Variants in SNTG2 observed in about 807,000 individuals in gnomAD.
SNTG2 encodes the protein gamma-2-syntrophin.
Under a neutral mutation model 70.9 loss-of-function variants are expected in SNTG2, and 74 were observed. The ratio of observed to expected loss-of-function variants is 1.04; its 90% CI spans 0.86 to 1.27. The LOEUF is 1.27. Among genes scored for constraint, SNTG2 ranks in the 50% most tolerant of loss-of-function variants. The pLI is 0.00. For missense variants in SNTG2, 717 were observed against 690.7 expected (o/e 1.04, Z -0.43); for synonymous variants, 278 against 273.8 (o/e 1.02, Z -0.15).
At chr2:979,170 A>G (rs780315411) in intron 1 of SNTG2, among the ~76,000 whole-genome samples, 9 of 152,218 alleles carry the variant, frequency 5.9e-5, no homozygotes, top group Admixed American at 1.3e-4. Context: ...GACAGCTGGT[A>G]TACTGGCTTT....
chr2:977,499 C>T (rs6752460), intron 1 of SNTG2, among the ~76,000 whole-genome samples: 45,968 of 151,966 alleles, frequency 0.3, 7,343 homozygotes, highest in Middle Eastern at 0.4. Context: ...TCCCCTGACC[C>T]GCTGCCTCCA....
At chr2:1,130,916 C>T (rs1667974161) in intron 4 of SNTG2, among the ~76,000 whole-genome samples, 1 of 152,180 alleles carries the variant, frequency 6.6e-6, no homozygotes, top group Non-Finnish European at 1.5e-5. Flanking sequence ...ATCCTGCAGC[C>T]TATCATCAAT....
intron 1 of SNTG2, among the ~76,000 whole-genome samples, chr2:1,063,792 G>C (rs1004973409): frequency 1.3e-5 from 2 of 152,068 alleles, no homozygotes; most frequent in East Asian, 3.8e-4. Context: ...ATTAAATAAA[G>C]AAAAAACTTT....
At chr2:1,061,293 A>T (rs898646972) in intron 1 of SNTG2, among the ~76,000 whole-genome samples, 2 of 152,234 alleles carry the variant, frequency 1.3e-5, no homozygotes, top group Non-Finnish European at 1.5e-5. Context: ...AAACATTTTT[A>T]AGGCAATTAA....
chr2:1,209,632 T>C (rs1226925656), intron 9 of SNTG2, among the ~76,000 whole-genome samples: 2 of 152,210 alleles, frequency 1.3e-5, no homozygotes, highest in African/African-American at 4.8e-5. Flanking sequence ...AGTAATAAAA[T>C]GAGAGGGTTA....
intron 1 of SNTG2, among the ~76,000 whole-genome samples, chr2:996,338 G>C (rs887166959): frequency 6.6e-6 from 1 of 152,160 alleles, no homozygotes; most frequent in Non-Finnish European, 1.5e-5. Flanking sequence ...TTTCCTCTTA[G>C]ATGGTGCCCT....
chr2:990,034 G>A (rs1466193567), intron 1 of SNTG2, among the ~76,000 whole-genome samples: 1 of 152,198 alleles, frequency 6.6e-6, no homozygotes, highest in Non-Finnish European at 1.5e-5. Flanking sequence ...AGCAGCTGCT[G>A]ACCCCTTTGT....
chr2:1,023,025 C>T (rs144497347), intron 1 of SNTG2, among the ~76,000 whole-genome samples: 63 of 152,250 alleles, frequency 4.1e-4, no homozygotes, highest in African/African-American at 1.4e-3. Context: ...CAGGCACACA[C>T]AAGCCTCTGA....
intron 10 of SNTG2, 106 bp from the exon 11 acceptor site, chr2:1,239,632 C>T (rs1438243595): frequency 1.7e-6 from 2 of 1,162,602 alleles, no homozygotes; most frequent in African/African-American, 1.5e-5. Flanking sequence ...ATTAAAGAGG[C>T]CTGTTTCCCA....
intron 1 of SNTG2, among the ~76,000 whole-genome samples, chr2:1,004,889 G>T (rs1558305516): frequency 1.3e-5 from 2 of 152,108 alleles, no homozygotes; most frequent in Non-Finnish European, 1.5e-5. Context: ...TTATTTATTT[G>T]TTTATTTTAT....
chr2:1,106,649 C>T (rs867234711), intron 4 of SNTG2, among the ~76,000 whole-genome samples: 666 of 78,434 alleles, frequency 8.5e-3, no homozygotes, highest in African/African-American at 0.027. Context: ...AGTGGACACA[C>T]GCTGTCACTC....
Position 1,203,669 on chromosome 2 carries a change from A to T in SNTG2, c.592-5434A>T, listed in dbSNP as rs904355953. Among the ~76,000 whole-genome samples the T allele has an allele frequency of 2.1e-3, 201 of 94,230 alleles. 1 individual carries two copies. The highest frequency in any genetic ancestry group is 0.014 in the East Asian group (24 of 1,682). 61.8% of individuals were successfully genotyped at this position (94,230 alleles called of 152,430 possible). On this transcript the variant is annotated intron_variant, in intron 8 of 16. Coordinates refer to ENST00000308624, the MANE Select transcript of SNTG2 (RefSeq NM_018968.4). ...ACCTTGTCTCAAAAACAAACAAAAA[A>T]AAAAATATATATATATATATATGTG...
intron 4 of SNTG2, chr2:1,103,379 C>CTTTTTTTTTTTTTTTTTTTTTTT (rs758261408): frequency 4.1e-6 from 1 of 241,156 alleles, no homozygotes. Flanking sequence ...TTATAAATTT[C>CTTTTTTTTTTTTTTTTTTTTTTT]TTTTTTTTTT....
intron 1 of SNTG2, among the ~76,000 whole-genome samples, chr2:1,081,306 C>T (rs1273303851): frequency 1.3e-5 from 2 of 152,218 alleles, no homozygotes; most frequent in African/African-American, 2.4e-5. Flanking sequence ...GAGATATCCT[C>T]ACAGGTGTGG....
chr2:1,048,469 C>CAT (rs147584946), intron 1 of SNTG2, among the ~76,000 whole-genome samples: 2,974 of 152,220 alleles, frequency 0.02, 87 homozygotes, highest in African/African-American at 0.068. Context: ...TATACACACA[C>CAT]ATATATATCA....
chr2:1,145,389 AAG>A (rs1329777789), intron 6 of SNTG2, among the ~76,000 whole-genome samples: 3 of 152,178 alleles, frequency 2.0e-5, no homozygotes, highest in Non-Finnish European at 4.4e-5. Context: ...TTAGAAATCA[AAG>A]AGAGGATATT....
At chr2:1,311,288 A>G (rs533302998) in intron 15 of SNTG2, among the ~76,000 whole-genome samples, 6 of 152,164 alleles carry the variant, frequency 3.9e-5, no homozygotes, top group South Asian at 2.1e-4. Context: ...TTGACCTCAC[A>G]TTTTTCTCGT....
At chr2:1,048,520 T>G (rs1160945354) in intron 1 of SNTG2, among the ~76,000 whole-genome samples, 10 of 152,222 alleles carry the variant, frequency 6.6e-5, no homozygotes, top group Admixed American at 6.5e-4. Flanking sequence ...TGCTTGTAGT[T>G]GCACTTTGTA....
intron 8 of SNTG2, among the ~76,000 whole-genome samples, chr2:1,177,694 G>A (rs1171662685): frequency 6.9e-6 from 1 of 143,928 alleles, no homozygotes; most frequent in Non-Finnish European, 1.5e-5. Context: ...TATATTTTCT[G>A]ACAAAAAAGA....
Sources: allele counts gnomAD v4.1 joint callset (sites outside exome capture counted in the v4.1 genomes callset), GRCh38; gene constraint gnomAD v4.1.1; transcripts MANE v1.5; gene names NCBI Gene and HGNC (gene_info 2026-07-23, HGNC 2026-07-21).